Variants in CALN1 observed in about 807,000 individuals in gnomAD.
CALN1 encodes calcium-binding protein 8.
A neutral mutation model predicts 30.6 loss-of-function variants in CALN1; 17 were observed. The observed-to-expected ratio is 0.56, with a 90% CI of 0.38 to 0.83. The LOEUF (loss-of-function observed/expected upper bound fraction) is 0.83, where lower values mean the gene tolerates loss of function less well. Among genes scored for constraint, CALN1 ranks in the 40% least tolerant of loss-of-function variants. The probability of loss-of-function intolerance (pLI) is 0.00; values close to 1 mark genes in which losing one functional copy is unlikely to be tolerated. For synonymous variants in CALN1, 156 were observed against 131.4 expected, an observed-to-expected ratio of 1.19 and a Z score of -1.28; for missense variants, 291 against 354.9, an observed-to-expected ratio of 0.82 and a Z score of 1.45.
chr7:72,194,806 G>A (rs1460946964), intron 3 of CALN1, among the ~76,000 whole-genome samples: 2 of 151,744 alleles, frequency 1.3e-5, no homozygotes, highest in African/African-American at 2.4e-5. Flanking sequence ...TGGCCAGGAT[G>A]GTCTCAATCT....
intron 4 of CALN1, among the ~76,000 whole-genome samples, chr7:72,031,658 C>T (rs1367968415): frequency 6.6e-6 from 1 of 151,952 alleles, no homozygotes; most frequent in East Asian, 1.9e-4. Flanking sequence ...GCTTTGAACT[C>T]CTGGGTTCGA....
At chr7:72,009,174 A>G (rs560211435) in intron 5 of CALN1, among the ~76,000 whole-genome samples, 7 of 152,348 alleles carry the variant, frequency 4.6e-5, no homozygotes, top group Non-Finnish European at 1.0e-4. Context: ...AATCAATTCC[A>G]TACTGTACAG....
At chr7:72,395,530 G>T (rs1004546544) in intron 2 of CALN1, among the ~76,000 whole-genome samples, 2 of 152,152 alleles carry the variant, frequency 1.3e-5, no homozygotes, top group Admixed American at 1.3e-4. Context: ...GAATTTTACT[G>T]ACCATGAAGC....
intron 6 of CALN1, among the ~76,000 whole-genome samples, chr7:71,804,242 C>A (rs113193090): frequency 2.0e-5 from 3 of 152,182 alleles, no homozygotes; most frequent in Non-Finnish European, 4.4e-5. Context: ...GCCACAGTGG[C>A]TCACACCTGT....
intron 3 of CALN1, among the ~76,000 whole-genome samples, chr7:72,122,382 A>G (rs1186205773): frequency 6.6e-6 from 1 of 152,110 alleles, no homozygotes; most frequent in East Asian, 1.9e-4. Flanking sequence ...GAGAGAAGGG[A>G]GCAACTCTCT....
At chr7:71,821,849 G>A (rs911501363) in intron 5 of CALN1, among the ~76,000 whole-genome samples, 1 of 148,158 alleles carries the variant, frequency 6.7e-6, no homozygotes, top group African/African-American at 2.5e-5. Flanking sequence ...GTACAGTGGT[G>A]TGATCATGGC....
intron 5 of CALN1, among the ~76,000 whole-genome samples, chr7:72,016,747 T>G (rs904975339): frequency 1.3e-5 from 2 of 151,748 alleles, no homozygotes; most frequent in African/African-American, 4.8e-5. Context: ...CCAAACCACC[T>G]GCCCATCTCT....
chr7:72,364,207 ATCTC>A (rs1236201944), intron 2 of CALN1, among the ~76,000 whole-genome samples: 5 of 152,340 alleles, frequency 3.3e-5, no homozygotes, highest in Admixed American at 6.5e-5. Flanking sequence ...AAGATGTCAG[ATCTC>A]TCTAAATTAA....
chr7:72,461,300 T>C, the CALN1 span, among the ~76,000 whole-genome samples: 1 of 152,146 alleles, frequency 6.6e-6, no homozygotes, highest in African/African-American at 2.4e-5. Flanking sequence ...CCCAATCCCA[T>C]TGCTGGCTGT....
intron 2 of CALN1, among the ~76,000 whole-genome samples, chr7:72,315,230 A>C (rs1252510457): frequency 6.6e-6 from 1 of 151,048 alleles, no homozygotes; most frequent in African/African-American, 2.4e-5. Flanking sequence ...AAACATAGAA[A>C]ATTTTGCAAC....
At chr7:71,929,471 T>C (rs1248504657) in intron 5 of CALN1, among the ~76,000 whole-genome samples, 1 of 152,346 alleles carries the variant, frequency 6.6e-6, no homozygotes, top group African/African-American at 2.4e-5. Flanking sequence ...ATGATCTCAT[T>C]CCTTTTTATG....
At chr7:72,094,533 C>T (rs756377388) in intron 4 of CALN1, among the ~76,000 whole-genome samples, 4 of 152,100 alleles carry the variant, frequency 2.6e-5, no homozygotes, top group Non-Finnish European at 4.4e-5. Context: ...GGATTACAGG[C>T]GTGAGCCACC....
chr7:72,344,425 A>G (rs1303943493), intron 2 of CALN1, among the ~76,000 whole-genome samples: 1 of 152,032 alleles, frequency 6.6e-6, no homozygotes, highest in African/African-American at 2.4e-5. Context: ...TAATGGCAAA[A>G]TAACATGTAT....
intron 3 of CALN1, among the ~76,000 whole-genome samples, chr7:72,138,306 T>C (rs944554934): frequency 5.9e-5 from 9 of 152,088 alleles, no homozygotes; most frequent in African/African-American, 2.2e-4. Context: ...TTTAAACGTC[T>C]CCAGGTGTCT....
chr7:72,168,854 G>T (rs1469368489), intron 3 of CALN1, among the ~76,000 whole-genome samples: 1 of 143,416 alleles, frequency 7.0e-6, no homozygotes, highest in Non-Finnish European at 1.5e-5. Context: ...CAACCAGGCT[G>T]GAGTGCAGTG....
At chr7:72,105,365 T>G (rs1487360193) in intron 4 of CALN1, among the ~76,000 whole-genome samples, 1 of 152,146 alleles carries the variant, frequency 6.6e-6, no homozygotes, top group Non-Finnish European at 1.5e-5. Context: ...GAGTGTGATG[T>G]AGCCAGAGAC....
chr7:71,994,854 T>A (rs1799164881), intron 5 of CALN1, among the ~76,000 whole-genome samples: 1 of 148,858 alleles, frequency 6.7e-6, no homozygotes. Flanking sequence ...CCTTCCTATT[T>A]TTTTTTTTTT....
At chr7:72,167,557 C>A (rs1204233698) in intron 3 of CALN1, among the ~76,000 whole-genome samples, 2 of 152,156 alleles carry the variant, frequency 1.3e-5, no homozygotes, top group African/African-American at 4.8e-5. Context: ...GTTGGCCAGG[C>A]TGGTCTTGAG....
intron 5 of CALN1, among the ~76,000 whole-genome samples, chr7:71,982,302 A>C (rs1036540561): frequency 6.6e-6 from 1 of 152,212 alleles, no homozygotes. Flanking sequence ...AGATATTAAA[A>C]TGCAAGGGTC....
Sources: allele counts gnomAD v4.1 joint callset (sites outside exome capture counted in the v4.1 genomes callset), GRCh38; gene constraint gnomAD v4.1.1; transcripts MANE v1.5; gene names NCBI Gene and HGNC (gene_info 2026-07-23, HGNC 2026-07-21).